WDHD1: variants seen among roughly 807,000 people sequenced by gnomAD.
The protein encoded by WDHD1 is WD repeat and HMG-box DNA binding protein 1, also known as WD repeat and HMG-box DNA-binding protein 1.
A neutral mutation model predicts 135.4 loss-of-function variants in WDHD1; 111 were observed. The observed-to-expected ratio is 0.82, with a 90% CI of 0.70 to 0.96. WDHD1 has a LOEUF of 0.96. Among genes scored for constraint, WDHD1 ranks in the 40% least tolerant of loss-of-function variants. The pLI, the probability that WDHD1 is intolerant of heterozygous loss-of-function variation, is 0.00. For synonymous variants in WDHD1, 434 were observed against 439.0 expected (o/e 0.99, Z 0.14); for missense variants, 1,351 against 1,336.3 (o/e 1.01, Z -0.17).
intron 21 of WDHD1, among the ~76,000 whole-genome samples, chr14:54,958,659 C>T (rs1167916654): frequency 6.6e-6 from 1 of 152,186 alleles, no homozygotes; most frequent in Non-Finnish European, 1.5e-5. Flanking sequence ...GATACTTTGT[C>T]CTCTCTTGAC....
At chr14:55,012,736 CGAGAGGGA>C (rs1435139196) in intron 3 of WDHD1, among the ~76,000 whole-genome samples, 1 of 152,034 alleles carries the variant, frequency 6.6e-6, no homozygotes. Flanking sequence ...AAAGAGAGGG[CGAGAGGGA>C]GAGCAAGAGG....
In WDHD1 at chr14:54,987,326, G is replaced by C. The variant is rs777932827; in HGVS notation, c.1588C>G (p.Pro530Ala). Residue 530 changes from proline to alanine, a missense_variant, in exon 14 of 26, where the codon CCT (proline) becomes GCT (alanine). By Grantham distance (27) the Pro-to-Ala change is conservative (BLOSUM62 -1). Coordinates refer to ENST00000360586, the MANE Select transcript of WDHD1 (RefSeq NM_007086.4). ...ATGGCTTCAATATCCTCATTCTGAG[G>C]CAAGTCTATTATCCACTCTTTGCTT... ...DSSKEWIIDL[P>A]QNEDIEAICL... is the part of the protein sequence containing the mutation. The C allele has an allele frequency of 1.2e-6, 2 of 1,613,934 alleles. No homozygotes were observed. The highest frequency in any genetic ancestry group is 3.3e-5 in the Admixed American group (2 of 59,990).
intron 16 of WDHD1, among the ~76,000 whole-genome samples, chr14:54,975,137 T>C (rs1437009242): frequency 2.6e-5 from 4 of 152,184 alleles, no homozygotes; most frequent in African/African-American, 9.6e-5. Flanking sequence ...TAAATAACTC[T>C]TGTTTTGAAA....
intron 10 of WDHD1, among the ~76,000 whole-genome samples, chr14:54,997,228 T>C (rs974958499): frequency 3.3e-5 from 5 of 151,410 alleles, no homozygotes; most frequent in African/African-American, 1.2e-4. Flanking sequence ...CCTGAGTACC[T>C]GGGTTTACAG....
chr14:54,962,773 G>A lies in WDHD1; in HGVS notation c.2612C>T (p.Ala871Val), dbSNP rs1302411171. ...VEEDAEDSGEADDEEKPEIHK... is the reference protein window; with the variant it reads ...VEEDAEDSGEVDDEEKPEIHK... ...TATTTCTGGTTTTTCTTCATCATCA[G>A]CTTCTCCACTGTCCTCAGCATCTTC... The change falls in exon 20 of 26, where the codon GCT becomes GTT. Residue 871 changes from alanine to valine, a missense_variant. This residue lies in a region of WDHD1 where 1,330 missense variants were observed against 1,296.1 expected (regional missense o/e 1.03). Coordinates refer to ENST00000360586, the MANE Select transcript of WDHD1 (RefSeq NM_007086.4). 2 of 1,613,846 alleles carry A rather than the reference G, an allele frequency of 1.2e-6. No individual in the cohort carries two copies. The highest frequency in any genetic ancestry group is 1.3e-5 in the African/African-American group (1 of 75,034).
At chr14:55,020,870 A>G (rs549440552) in intron 2 of WDHD1, among the ~76,000 whole-genome samples, 1 of 152,388 alleles carries the variant, frequency 6.6e-6, no homozygotes, top group South Asian at 2.1e-4. Context: ...ATACAGCAAT[A>G]TAGAGAAAAA....
At chr14:54,952,729 C>T (rs1178419965) in intron 24 of WDHD1, among the ~76,000 whole-genome samples, 2 of 152,032 alleles carry the variant, frequency 1.3e-5, no homozygotes, top group Non-Finnish European at 1.5e-5. Flanking sequence ...ATCACGCTAC[C>T]TGACTTCAAA....
At chr14:54,997,939 CG>C (rs1595106731) in intron 10 of WDHD1, among the ~76,000 whole-genome samples, 1 of 150,896 alleles carries the variant, frequency 6.6e-6, no homozygotes, top group Non-Finnish European at 1.5e-5. Context: ...AGGCCAGGCA[CG>C]GTGGCCCATG....
chr14:54,979,294 G>GGT (rs1231564553), intron 16 of WDHD1, among the ~76,000 whole-genome samples: 1 of 151,986 alleles, frequency 6.6e-6, no homozygotes, highest in Non-Finnish European at 1.5e-5. Context: ...AGAGACTATA[G>GGT]GTGTGTGCCA....
intron 16 of WDHD1, among the ~76,000 whole-genome samples, chr14:54,971,210 T>C (rs981128674): frequency 2.0e-5 from 3 of 152,106 alleles, no homozygotes; most frequent in African/African-American, 7.2e-5. Flanking sequence ...ACAAAAGCAA[T>C]TGCAACAAAA....
chr14:54,943,451 G>A (rs1002246285), intron 25 of WDHD1, among the ~76,000 whole-genome samples: 14 of 152,134 alleles, frequency 9.2e-5, no homozygotes, highest in African/African-American at 3.4e-4. Context: ...CTGGAGTACA[G>A]TGACACAATC....
At chr14:54,993,748 A>AC (rs1566732026) in intron 11 of WDHD1, among the ~76,000 whole-genome samples, 1 of 149,124 alleles carries the variant, frequency 6.7e-6, no homozygotes, top group Admixed American at 6.6e-5. Flanking sequence ...CTTCTCACTA[A>AC]TTTTTTTTGT....
intron 17 of WDHD1, 94 bp downstream of exon 17, chr14:54,967,186 T>C (rs2041358524): frequency 9.8e-7 from 1 of 1,019,570 alleles, no homozygotes. Flanking sequence ...CAGTAATGAA[T>C]ATTCAATACT....
Position 54,941,352 on chromosome 14 carries a change from T to A in WDHD1, c.*138A>T, listed in dbSNP as rs143759248. Reference sequence around the variant, plus strand: ...CTGTTACCTACACCAATATAATTACTACATTATCTTATAAAGACAAACAGT... The same window carrying A: ...CTGTTACCTACACCAATATAATTACAACATTATCTTATAAAGACAAACAGT... On this transcript the variant is annotated 3_prime_UTR_variant, in exon 26 of 26. Coordinates refer to ENST00000360586, the MANE Select transcript of WDHD1 (RefSeq NM_007086.4). 367 of 682,040 alleles carry A rather than the reference T, an allele frequency of 5.4e-4. No individual in the cohort carries two copies. Among genetic ancestry groups the A allele is most frequent in the African/African-American group, 4.4e-3 (246 of 55,568 alleles). The allele number at this position is 682,040 out of a possible 1,614,324, so 42.2% of individuals were successfully genotyped here.
Position 54,981,071 on chromosome 14 carries a change from A to T in WDHD1, c.2063+469T>A, listed in dbSNP as rs375696927. ...GCTTGCAGTGAGCTGAGATCACGCC[A>T]CTACAATCCAGCCTGGGCAACAGAG... On this transcript the variant is annotated intron_variant, in intron 16 of 25. Transcript: ENST00000360586. Among the ~76,000 whole-genome samples the T allele has an allele frequency of 1.4e-4, 22 of 152,324 alleles. 4 individuals carry two copies. Among genetic ancestry groups the T allele is most frequent in the Admixed American group, 1.0e-3 (16 of 15,302 alleles).
chr14:55,011,639 G>A (rs183736620), intron 3 of WDHD1, among the ~76,000 whole-genome samples: 61 of 146,584 alleles, frequency 4.2e-4, no homozygotes, highest in African/African-American at 1.4e-3. Context: ...TGTTATATTC[G>A]TGTGTGTGTT....
At position 55,010,208 on chromosome 14, in the gene WDHD1, A is replaced by G. The variant is rs553136514; in HGVS notation, c.341+101T>C. On this transcript the variant is annotated intron_variant, in intron 4 of 25. Transcript: ENST00000360586. ...AGAATATATGAAGAAACAACAAACA[A>G]CAAAAAATTAAGTCACGGTCCTGAA... is the stretch of plus-strand genomic sequence containing the variant. The G allele has an allele frequency of 1.9e-3, 2,405 of 1,247,084 alleles. 6 individuals are homozygous for G. Among genetic ancestry groups the G allele is most frequent in the Non-Finnish European group, 2.4e-3 (2,268 of 941,492 alleles). The allele number at this position is 1,247,084 out of a possible 1,614,324, so 77.3% of individuals were successfully genotyped here.
intron 2 of WDHD1, among the ~76,000 whole-genome samples, chr14:55,019,958 A>T (rs1410963818): frequency 2.6e-5 from 4 of 152,226 alleles, no homozygotes; most frequent in Non-Finnish European, 5.9e-5. Flanking sequence ...TCAAGGAGTC[A>T]ATGATTACCA....
chr14:54,962,687 G>C (rs1355959549), intron 20 of WDHD1, 51 bp downstream of exon 20: 3 of 1,594,856 alleles, frequency 1.9e-6, no homozygotes, highest in Non-Finnish European at 2.6e-6. Context: ...AATGGGAAAA[G>C]CCACATCCAT....
Sources: allele counts gnomAD v4.1 joint callset (sites outside exome capture counted in the v4.1 genomes callset), GRCh38; gene constraint gnomAD v4.1.1; regional missense constraint gnomAD v4.1.1; transcripts MANE v1.5; gene names NCBI Gene and HGNC (gene_info 2026-07-23, HGNC 2026-07-21).